The following EYA3 variants were observed in gnomAD, a reference collection of about 807,000 sequenced individuals.
EYA3 encodes EYA transcriptional coactivator and phosphatase 3, also known as protein phosphatase EYA3.
In EYA3, 39 loss-of-function variants were observed where a neutral mutation model predicts 80.0. The observed-to-expected ratio is 0.49, with a 90% confidence interval of 0.38 to 0.64. The LOEUF (loss-of-function observed/expected upper bound fraction) is 0.64. Ranked by LOEUF, EYA3 falls within the 30% of genes least tolerant of loss-of-function variation. The pLI, the probability that EYA3 is intolerant of heterozygous loss-of-function variation, is 0.00. For synonymous variants in EYA3, 206 were observed against 232.8 expected, an observed-to-expected ratio of 0.88 and a Z score of 1.05; for missense variants, 523 against 676.1, an observed-to-expected ratio of 0.77 and a Z score of 2.51.
chr1:27,998,985 T>C (rs1048853326), intron 12 of EYA3, among the ~76,000 whole-genome samples: 5 of 152,168 alleles, frequency 3.3e-5, no homozygotes, highest in Admixed American at 3.3e-4. Context: ...CTCAGGCTGG[T>C]CTCGAACTCC....
intron 1 of EYA3, among the ~76,000 whole-genome samples, chr1:28,078,567 A>G (rs1283398092): frequency 1.3e-5 from 2 of 152,030 alleles, no homozygotes; most frequent in Non-Finnish European, 2.9e-5. Context: ...TCTTTAATTG[A>G]GACAGTCTCG....
At chr1:27,984,225 A>T (rs1639499989) in intron 16 of EYA3, among the ~76,000 whole-genome samples, 2 of 151,688 alleles carry the variant, frequency 1.3e-5, no homozygotes. Flanking sequence ...ATTTTTGTAG[A>T]GATGGGGCCT....
chr1:28,020,877 A>G (rs1198794442), intron 7 of EYA3, among the ~76,000 whole-genome samples: 1 of 152,186 alleles, frequency 6.6e-6, no homozygotes, highest in Non-Finnish European at 1.5e-5. Flanking sequence ...TGGCATGGTC[A>G]ACTGTTTTTG....
At chr1:28,063,955 C>T (rs1378849828) in intron 1 of EYA3, among the ~76,000 whole-genome samples, 1 of 151,876 alleles carries the variant, frequency 6.6e-6, no homozygotes, top group Non-Finnish European at 1.5e-5. Context: ...CATTTTTCAC[C>T]CACACATTTT....
chr1:28,011,654 CA>C, intron 9 of EYA3, among the ~76,000 whole-genome samples: 1 of 152,050 alleles, frequency 6.6e-6, no homozygotes, highest in East Asian at 1.9e-4. Flanking sequence ...ATATAACTGT[CA>C]AAATTCAGAC....
At chr1:28,045,914 C>A (rs2761454) in intron 3 of EYA3, among the ~76,000 whole-genome samples, 5,595 of 152,188 alleles carry the variant, frequency 0.037, 291 homozygotes, top group African/African-American at 0.13. Context: ...AACAGACATA[C>A]AATGGAGTAT....
chr1:28,074,510 T>C (rs955455852), intron 1 of EYA3, among the ~76,000 whole-genome samples: 10 of 140,202 alleles, frequency 7.1e-5, no homozygotes, highest in Non-Finnish European at 1.4e-4. Flanking sequence ...TTCTTTGAAC[T>C]TTCTTTTTTT....
At chr1:28,077,080 C>T (rs1645242664) in intron 1 of EYA3, among the ~76,000 whole-genome samples, 1 of 147,566 alleles carries the variant, frequency 6.8e-6, no homozygotes, top group Non-Finnish European at 1.5e-5. Context: ...AAAAATCATC[C>T]TTTGAAATTG....
At chr1:27,988,713 A>T (rs745906652) in intron 15 of EYA3, 57 bp from the exon 16 acceptor site, 181 of 1,589,556 alleles carry the variant, frequency 1.1e-4, no homozygotes, top group Non-Finnish European at 1.5e-4. Flanking sequence ...TGGGAGCAAG[A>T]ATTCGTATGT....
chr1:28,035,808 C>T (rs1181044621), intron 5 of EYA3, 128 bp from the exon 6 acceptor site: 2 of 889,094 alleles, frequency 2.2e-6, no homozygotes, highest in Admixed American at 2.7e-5. Flanking sequence ...CATAAAATGG[C>T]TCTTTTCAAA....
In EYA3 at chr1:27,978,369, G is replaced by A. The variant is rs1259533455; in HGVS notation, c.1641+5C>T. ...ACATAGACTATTTTTCTTTACCATG[G>A]TTACCTGTTTGGCTGCAATTTCTTC... On this transcript the variant is annotated splice_donor_5th_base_variant and intron_variant, in intron 17 of 17. Transcript: ENST00000373871. 3 of 1,609,574 alleles carry A rather than the reference G, an allele frequency of 1.9e-6. No individual in the cohort carries two copies. Among genetic ancestry groups the A allele is most frequent in the South Asian group, 1.1e-5 (1 of 90,888 alleles).
chr1:28,033,821 A>AT (rs34130370), intron 6 of EYA3, among the ~76,000 whole-genome samples: 8 of 149,516 alleles, frequency 5.4e-5, no homozygotes, highest in Admixed American at 3.3e-4. Flanking sequence ...TGCCCGGCTA[A>AT]TTTTTTTTTT....
At chr1:27,988,487 A>T (rs748154393) in intron 16 of EYA3, 48 bp downstream of exon 16, 1 of 1,600,608 alleles carries the variant, frequency 6.2e-7, no homozygotes, top group South Asian at 1.1e-5. Flanking sequence ...TCATGAGTAG[A>T]AAGTTTTATT....
At chr1:28,001,905 A>G (rs1421063626) in intron 11 of EYA3, among the ~76,000 whole-genome samples, 3 of 125,124 alleles carry the variant, frequency 2.4e-5, no homozygotes, top group Middle Eastern at 5.7e-3. Flanking sequence ...TAATTTTTGA[A>G]TTTTTATTTT....
At chr1:27,999,764 T>C (rs933204740) in intron 12 of EYA3, among the ~76,000 whole-genome samples, 196 bp downstream of exon 12, 2 of 152,208 alleles carry the variant, frequency 1.3e-5, no homozygotes, top group Non-Finnish European at 2.9e-5. Flanking sequence ...TAAAATTGAA[T>C]GTCAGAACCA....
intron 12 of EYA3, 34 bp from the exon 13 acceptor site, chr1:27,997,412 G>T: frequency 6.4e-7 from 1 of 1,559,930 alleles, no homozygotes; most frequent in East Asian, 2.2e-5. Context: ...CTTCAGTCCA[G>T]GGAGTAGAAG....
chr1:28,075,015 C>A (rs1048110111), intron 1 of EYA3, among the ~76,000 whole-genome samples: 1 of 152,182 alleles, frequency 6.6e-6, no homozygotes, highest in African/African-American at 2.4e-5. Flanking sequence ...ATGCTTAAAA[C>A]CAGTATAAGA....
intron 12 of EYA3, among the ~76,000 whole-genome samples, chr1:27,999,229 G>C (rs1640663882): frequency 1.3e-5 from 2 of 152,208 alleles, no homozygotes; most frequent in Admixed American, 6.5e-5. Flanking sequence ...ATGGTAATCA[G>C]TGTTGGTAGT....
chr1:28,034,412 A>C (rs951345748), intron 6 of EYA3, among the ~76,000 whole-genome samples: 1 of 152,224 alleles, frequency 6.6e-6, no homozygotes, highest in African/African-American at 2.4e-5. Context: ...GTCTTTCAAA[A>C]GGTCCATTCA....
Sources: allele counts gnomAD v4.1 joint callset (sites outside exome capture counted in the v4.1 genomes callset), GRCh38; gene constraint gnomAD v4.1.1; transcripts MANE v1.5; gene names NCBI Gene and HGNC (gene_info 2026-07-23, HGNC 2026-07-21).